MAP3K13: variants seen among roughly 807,000 people sequenced by gnomAD.
The protein encoded by MAP3K13 is mitogen-activated protein kinase kinase kinase 13, also known as leucine zipper-bearing kinase.
A neutral mutation model predicts 104.0 loss-of-function variants in MAP3K13; 52 were observed. The ratio of observed to expected loss-of-function variants is 0.50; its 90% CI spans 0.40 to 0.63. The LOEUF is 0.63. Ranked by LOEUF, MAP3K13 falls within the 20% of genes least tolerant of loss-of-function variation. The probability of loss-of-function intolerance (pLI) is 0.00; values close to 1 mark genes in which losing one functional copy is unlikely to be tolerated. For synonymous variants in MAP3K13, 394 were observed against 442.2 expected, an observed-to-expected ratio of 0.89 and a Z score of 1.37; for missense variants, 914 against 1,218.5, an observed-to-expected ratio of 0.75 and a Z score of 3.72.
chr3:185,421,916 G>A (rs1714155376), intron 1 of MAP3K13, among the ~76,000 whole-genome samples: 1 of 152,202 alleles, frequency 6.6e-6, no homozygotes, highest in Non-Finnish European at 1.5e-5. Context: ...TAGCCATGGT[G>A]ATGATTTTTC....
chr3:185,324,404 A>G (rs1222984072), intron 2 of MAP3K13, among the ~76,000 whole-genome samples: 1 of 152,108 alleles, frequency 6.6e-6, no homozygotes, highest in African/African-American at 2.4e-5. Context: ...TAGGTTGTTT[A>G]TTAAAGCACC....
intron 2 of MAP3K13, among the ~76,000 whole-genome samples, chr3:185,336,058 G>A (rs1264137452): frequency 6.6e-6 from 1 of 151,936 alleles, no homozygotes; most frequent in Non-Finnish European, 1.5e-5. Context: ...TCCCCTACCT[G>A]CTGTTGCTGC....
intron 3 of MAP3K13, among the ~76,000 whole-genome samples, chr3:185,438,746 A>C (rs984527323): frequency 6.6e-6 from 1 of 152,180 alleles, no homozygotes; most frequent in Admixed American, 6.5e-5. Context: ...TCTCTCCCTC[A>C]CTAGCCTTTT....
At chr3:185,402,937 C>T (rs1041532592) in intron 1 of MAP3K13, among the ~76,000 whole-genome samples, 7 of 152,092 alleles carry the variant, frequency 4.6e-5, no homozygotes, top group African/African-American at 1.7e-4. Flanking sequence ...TAAGCTGTGG[C>T]CCAGGAGACA....
chr3:185,385,947 G>A (rs916059525), intron 1 of MAP3K13, among the ~76,000 whole-genome samples: 4 of 151,904 alleles, frequency 2.6e-5, no homozygotes, highest in African/African-American at 9.7e-5. Context: ...AGGTTGCAGT[G>A]AGCCAGTATC....
intron 2 of MAP3K13, among the ~76,000 whole-genome samples, chr3:185,288,206 T>A (rs1720597655): frequency 6.6e-6 from 1 of 151,816 alleles, no homozygotes; most frequent in African/African-American, 2.4e-5. Context: ...TTTTCCTAAA[T>A]CAAGAGGATA....
rs1018020468 is a variant in MAP3K13, at chr3:185,356,825, A to T, written c.-86+71182A>T. Among the ~76,000 whole-genome samples, 7 of 152,238 alleles carry T rather than the reference A, an allele frequency of 4.6e-5. No homozygotes were observed. The East Asian group carries it at 1.4e-3, about 29-fold the overall frequency. On this transcript the variant is annotated intron_variant, in intron 2 of 14. Transcript: ENST00000424227. ...CATATGGACTAAAAGTGGGGGAGAG[A>T]TATTTCCTTCAAATGGGGATGATAC...
chr3:185,302,727 A>AT (rs991627181), intron 2 of MAP3K13, among the ~76,000 whole-genome samples: 77 of 152,242 alleles, frequency 5.1e-4, no homozygotes, highest in African/African-American at 1.9e-3. Flanking sequence ...GAATTCATTA[A>AT]TTTTTTGTGG....
chr3:185,374,519 C>T (rs554879681), intron 1 of MAP3K13, among the ~76,000 whole-genome samples: 12 of 152,004 alleles, frequency 7.9e-5, no homozygotes, highest in South Asian at 2.1e-4. Flanking sequence ...AGAAACTAAA[C>T]GGAAGATACG....
At chr3:185,383,561 C>CAAA (rs34255859) in intron 1 of MAP3K13, among the ~76,000 whole-genome samples, 1 of 91,238 alleles carries the variant, frequency 1.1e-5, no homozygotes. Flanking sequence ...GACTCTGTCT[C>CAAA]AAAAAAAAAA....
chr3:185,323,977 A>G (rs1192182497), intron 2 of MAP3K13, among the ~76,000 whole-genome samples: 1 of 151,998 alleles, frequency 6.6e-6, no homozygotes, highest in Non-Finnish European at 1.5e-5. Flanking sequence ...TTCTCTTATA[A>G]TGAGTGAGGT....
chr3:185,361,626 G>A (rs1036212101), upstream of MAP3K13, among the ~76,000 whole-genome samples: 1 of 152,114 alleles, frequency 6.6e-6, no homozygotes, highest in Non-Finnish European at 1.5e-5. Context: ...GGATGGTCTC[G>A]ATCCCTGACC....
chr3:185,459,635 A>C (rs571409075), intron 7 of MAP3K13, among the ~76,000 whole-genome samples: 33 of 152,020 alleles, frequency 2.2e-4, no homozygotes, highest in Non-Finnish European at 3.5e-4. Context: ...TTTTTAGTAA[A>C]GATGGGGTTT....
chr3:185,459,053 A>G (rs999401575), intron 7 of MAP3K13, among the ~76,000 whole-genome samples: 8 of 152,100 alleles, frequency 5.3e-5, no homozygotes, highest in Non-Finnish European at 1.2e-4. Flanking sequence ...CCTGGCTTTG[A>G]AGCTCTCTCA....
At chr3:185,370,311 C>A (rs1193156253) in intron 1 of MAP3K13, among the ~76,000 whole-genome samples, 3 of 152,170 alleles carry the variant, frequency 2.0e-5, no homozygotes, top group African/African-American at 7.2e-5. Flanking sequence ...TCTCCTGCCA[C>A]AGCCTCCTGA....
At chr3:185,309,046 T>G (rs1332716238) in intron 2 of MAP3K13, among the ~76,000 whole-genome samples, 1 of 152,196 alleles carries the variant, frequency 6.6e-6, no homozygotes, top group East Asian at 1.9e-4. Context: ...ATGCCAGTCA[T>G]GTTGGATTAG....
At chr3:185,451,148 C>G (rs1473857162) in intron 6 of MAP3K13, 139 bp from the exon 7 acceptor site, 5 of 596,062 alleles carry the variant, frequency 8.4e-6, no homozygotes, top group Non-Finnish European at 3.0e-6. Context: ...GTTATGCTAT[C>G]CTGATATAAT....
chr3:185,340,186 G>A lies in MAP3K13; in HGVS notation c.-86+54543G>A, dbSNP rs1722668963. Among the ~76,000 whole-genome samples the A allele has an allele frequency of 3.9e-5, 6 of 152,234 alleles. No homozygotes were observed. In the South Asian group the frequency reaches 1.2e-3, roughly 32 times the overall value. On this transcript the variant is annotated intron_variant, in intron 2 of 14. Transcript: ENST00000424227. ...AGATTATGAGTTTAATGTATGTAAAGAATATATAATCAAAGATTTTTTAAT... is the reference window on the plus strand; with the variant it reads ...AGATTATGAGTTTAATGTATGTAAAAAATATATAATCAAAGATTTTTTAAT...
intron 7 of MAP3K13, among the ~76,000 whole-genome samples, chr3:185,455,269 A>G (rs1716437618): frequency 8.2e-6 from 1 of 121,586 alleles, no homozygotes; most frequent in Admixed American, 1.0e-4. Flanking sequence ...TATATGAGAT[A>G]TATATGAGAT....
Sources: gnomAD v4.1 joint callset for allele counts (sites outside exome capture counted in the v4.1 genomes callset) on GRCh38, gnomAD v4.1.1 for gene constraint, MANE v1.5 for transcripts, NCBI Gene and HGNC (gene_info 2026-07-23, HGNC 2026-07-21) for gene names.